APBB1IP: variants seen among roughly 807,000 people sequenced by gnomAD.
The protein encoded by APBB1IP is amyloid beta precursor protein binding family B member 1 interacting protein.
A neutral mutation model predicts 64.9 loss-of-function variants in APBB1IP; 27 were observed. That is an observed-to-expected ratio of 0.42 (90% CI 0.31 to 0.57). The LOEUF is 0.57. APBB1IP is among the 20% of genes least tolerant of loss of function. The pLI is 0.20. For synonymous variants in APBB1IP, 392 were observed against 331.0 expected (o/e 1.18, Z -2.00); for missense variants, 812 against 845.5 (o/e 0.96, Z 0.49).
rs759985543 is a variant in APBB1IP at position 26,567,049 on chromosome 10, C to T, written c.1562C>T (p.Pro521Leu). 63 of 1,526,522 alleles carry T rather than the reference C, an allele frequency of 4.1e-5. No homozygotes were observed. Among genetic ancestry groups the T allele is most frequent in the South Asian group, 7.1e-5 (6 of 84,038 alleles). 94.6% of individuals were successfully genotyped at this position (1,526,522 alleles called of 1,614,324 possible). Residue 521 changes from proline (P) to leucine (L), a missense_variant, in exon 15 of 15, where the codon CCG becomes CTG. Physicochemically the swap from Pro to Leu is moderately conservative, Grantham distance 98 (BLOSUM62 -3). Around this residue, in one of 3 missense-constraint regions of APBB1IP, gnomAD observed 381 missense variants for 352.1 expected, o/e 1.08. Coordinates refer to ENST00000376236, the MANE Select transcript of APBB1IP (RefSeq NM_019043.4). ...APKSSLPPPP[P>L]VRRSSDTSGS... The stretch of plus-strand genomic sequence containing the variant: ...AAGTCCAGCCTGCCCCCGCCCCCTC[C>T]GGTGCGGAGGTCCTCCGACACCAGC...
At chr10:26,529,936 C>T (rs79040365) in intron 8 of APBB1IP, among the ~76,000 whole-genome samples, 13,422 of 152,062 alleles carry the variant, frequency 0.088, 646 homozygotes, top group Non-Finnish European at 0.11. Context: ...CCACCGCACC[C>T]GGGTTTGGAG....
At chr10:26,444,127 A>G (rs1835366625) in intron 2 of APBB1IP, among the ~76,000 whole-genome samples, 2 of 152,170 alleles carry the variant, frequency 1.3e-5, no homozygotes, top group African/African-American at 4.8e-5. Flanking sequence ...ATCTGGGGGA[A>G]CAGTGTTCCA....
chr10:26,469,137 T>C (rs1835683920), intron 2 of APBB1IP, among the ~76,000 whole-genome samples: 1 of 152,018 alleles, frequency 6.6e-6, no homozygotes, highest in South Asian at 2.1e-4. Context: ...TTTTAACTTT[T>C]TGACTCTTGA....
chr10:26,444,594 C>G (rs1010282540), intron 2 of APBB1IP, among the ~76,000 whole-genome samples: 3 of 152,072 alleles, frequency 2.0e-5, no homozygotes, highest in Non-Finnish European at 4.4e-5. Context: ...AAATTGTCAT[C>G]AACTAAAGTC....
intron 2 of APBB1IP, among the ~76,000 whole-genome samples, chr10:26,458,759 T>A (rs1463989922): frequency 6.6e-6 from 1 of 152,194 alleles, no homozygotes; most frequent in Non-Finnish European, 1.5e-5. Flanking sequence ...ACCAAATTCT[T>A]TGATATTTTT....
At chr10:26,492,278 GAT>G (rs1176690184) in intron 2 of APBB1IP, 47 bp from the exon 3 acceptor site, 1 of 1,542,040 alleles carries the variant, frequency 6.5e-7, no homozygotes, top group African/African-American at 1.4e-5. Context: ...AGTATCCTAG[GAT>G]CAGGCTTTTA....
chr10:26,561,352 A>G (rs538668671), intron 13 of APBB1IP, among the ~76,000 whole-genome samples: 109 of 144,670 alleles, frequency 7.5e-4, no homozygotes, highest in African/African-American at 2.7e-3. Context: ...ACAGGCGTGA[A>G]CCATTGCACC....
At chr10:26,472,858 AC>A (rs1436622888) in intron 2 of APBB1IP, among the ~76,000 whole-genome samples, 1 of 151,264 alleles carries the variant, frequency 6.6e-6, no homozygotes, top group African/African-American at 2.4e-5. Flanking sequence ...AATCACTTGA[AC>A]CCGGGAGGCA....
At chr10:26,476,466 G>GA (rs1554774288) in intron 2 of APBB1IP, among the ~76,000 whole-genome samples, 1 of 91,420 alleles carries the variant, frequency 1.1e-5, no homozygotes, top group African/African-American at 3.6e-5. Context: ...AAAAAAAAAA[G>GA]AAGAAAAGAA....
At chr10:26,441,258 A>C (rs1835335014) in intron 2 of APBB1IP, among the ~76,000 whole-genome samples, 1 of 152,226 alleles carries the variant, frequency 6.6e-6, no homozygotes. Context: ...AGATTTCTAC[A>C]CTGGTTGCAT....
intron 3 of APBB1IP, among the ~76,000 whole-genome samples, chr10:26,495,629 A>G (rs1260845779): frequency 6.7e-6 from 1 of 148,806 alleles, no homozygotes; most frequent in Non-Finnish European, 1.5e-5. Flanking sequence ...AAAAAAAAGA[A>G]TAGGAAAGAG....
At chr10:26,563,352 TA>T (rs890691429) in intron 14 of APBB1IP, among the ~76,000 whole-genome samples, 3 of 151,684 alleles carry the variant, frequency 2.0e-5, no homozygotes, top group Non-Finnish European at 2.9e-5. Context: ...GACCCTGTCT[TA>T]AAAAAAAGAA....
intron 8 of APBB1IP, among the ~76,000 whole-genome samples, chr10:26,531,101 C>T (rs1329895076): frequency 1.3e-5 from 2 of 152,046 alleles, no homozygotes; most frequent in African/African-American, 4.8e-5. Flanking sequence ...GCCTGTAATC[C>T]TAGCACTTTG....
chr10:26,450,228 A>G (rs1835450000), intron 2 of APBB1IP, among the ~76,000 whole-genome samples: 1 of 152,234 alleles, frequency 6.6e-6, no homozygotes, highest in Non-Finnish European at 1.5e-5. Context: ...ATGCGTCTGT[A>G]CATGCAAAGC....
At chr10:26,481,807 G>T (rs1348008336) in intron 2 of APBB1IP, among the ~76,000 whole-genome samples, 1 of 149,456 alleles carries the variant, frequency 6.7e-6, no homozygotes, top group African/African-American at 2.5e-5. Context: ...TTTTTAAAAT[G>T]TGGTAGCCCA....
At position 26,567,725 on chromosome 10, in the gene APBB1IP, C is replaced by A; in HGVS notation, c.*237C>A. The A allele has an allele frequency of 1.0e-6, 1 of 955,666 alleles. No homozygotes were observed. Among genetic ancestry groups the A allele is most frequent in the Non-Finnish European group, 1.4e-6 (1 of 729,796 alleles). The allele number at this position is 955,666 out of a possible 1,614,324, so 59.2% of individuals were successfully genotyped here. Reference sequence around the variant, plus strand: ...AATGGAATGTATCTTCCCTTCCAAGCTGCCTAAAGCGCTGTTTTAGGTTCA... The same window carrying A: ...AATGGAATGTATCTTCCCTTCCAAGATGCCTAAAGCGCTGTTTTAGGTTCA... On this transcript the variant is annotated 3_prime_UTR_variant, in exon 15 of 15. Transcript: ENST00000376236.
At chr10:26,483,128 T>G (rs1017465066) in intron 2 of APBB1IP, among the ~76,000 whole-genome samples, 1 of 134,046 alleles carries the variant, frequency 7.5e-6, no homozygotes, top group Non-Finnish European at 1.6e-5. Context: ...CAGTCAATAC[T>G]AGGATACAAA....
chr10:26,541,584 A>G lies in APBB1IP; in HGVS notation c.1047A>G (p.Thr349=), dbSNP rs1836697750. 6.2e-7 allele frequency: 1 copy of G among 1,602,820 alleles called. No individual in the cohort carries two copies. Among genetic ancestry groups the G allele is most frequent in the Admixed American group, 1.7e-5 (1 of 59,104 alleles). Residue 349 remains threonine (T), a splice_region_variant and synonymous_variant, in exon 11 of 15, where the codon ACA becomes ACG. Coordinates refer to ENST00000376236, the MANE Select transcript of APBB1IP (RefSeq NM_019043.4). ...TTATTTTTTTCCCTGTCTTTCAGAC[A>G]TCTCGAGATCTGGCGTGTTTTATAC... The part of the protein sequence containing the change: ...IYYVPKGKTK[T]SRDLACFIQF...
At chr10:26,528,470 G>C (rs1316744424) in intron 8 of APBB1IP, among the ~76,000 whole-genome samples, 1 of 152,030 alleles carries the variant, frequency 6.6e-6, no homozygotes, top group African/African-American at 2.4e-5. Flanking sequence ...AGTTTTTCTT[G>C]ACCATCGCAG....
Sources: allele counts gnomAD v4.1 joint callset (sites outside exome capture counted in the v4.1 genomes callset), GRCh38; gene constraint gnomAD v4.1.1; regional missense constraint gnomAD v4.1.1; transcripts MANE v1.5; gene names NCBI Gene and HGNC (gene_info 2026-07-23, HGNC 2026-07-21).